Variants in GAREM1 observed in about 807,000 individuals in gnomAD.
GAREM1 encodes the protein GRB2 associated regulator of MAPK1 subtype 1.
GAREM1 carries 26 observed loss-of-function variants against 71.3 expected under a neutral mutation model. That is an observed-to-expected ratio of 0.36 (90% CI 0.27 to 0.51). The LOEUF (loss-of-function observed/expected upper bound fraction) is 0.51. Ranked by LOEUF, GAREM1 falls within the 20% of genes least tolerant of loss-of-function variation. The pLI, the probability that GAREM1 is intolerant of heterozygous loss-of-function variation, is 0.95. For synonymous variants in GAREM1, 440 were observed against 433.2 expected, an observed-to-expected ratio of 1.02 and a Z score of -0.20; for missense variants, 1,026 against 1,103.1, an observed-to-expected ratio of 0.93 and a Z score of 0.99.
intron 2 of GAREM1, among the ~76,000 whole-genome samples, chr18:32,311,154 C>T (rs2047317783): frequency 6.6e-6 from 1 of 152,140 alleles, no homozygotes; most frequent in Non-Finnish European, 1.5e-5. Context: ...TGTGACCCTG[C>T]TACAACATTT....
intron 4 of GAREM1, among the ~76,000 whole-genome samples, chr18:32,285,513 C>T (rs1182862620): frequency 1.3e-5 from 2 of 152,220 alleles, no homozygotes; most frequent in African/African-American, 4.8e-5. Flanking sequence ...GCTTCCAGCT[C>T]GTTGCTCATG....
chr18:32,400,647 T>G (rs555129696), intron 1 of GAREM1, among the ~76,000 whole-genome samples: 1 of 152,302 alleles, frequency 6.6e-6, no homozygotes, highest in South Asian at 2.1e-4. Context: ...CCAGTTAGAA[T>G]GGCGATCATT....
chr18:32,329,328 A>G (rs1436165949), intron 2 of GAREM1, among the ~76,000 whole-genome samples: 1 of 151,868 alleles, frequency 6.6e-6, no homozygotes, highest in Non-Finnish European at 1.5e-5. Flanking sequence ...GTGAGCTATG[A>G]TTGTGCCACT....
In GAREM1 at chr18:32,287,934, G is replaced by C. The variant is rs757167528; in HGVS notation, c.663C>G (p.Thr221=). ...LPFQCKGRFS[T]RSPLELQMQE... ...GCATCTGAAGTTCCAGGGGACTTCG[G>C]GTGCTAAATCTGCCCTTGCACTGGA... Residue 221 remains threonine (T), a synonymous_variant, in exon 4 of 6, where the codon ACC becomes ACG. Coordinates refer to ENST00000269209, the MANE Select transcript of GAREM1 (RefSeq NM_001242409.2). The surrounding 1 kb of genome is among the most constrained non-coding windows in gnomAD (Gnocchi z 5.9). 1 of 1,614,054 alleles carries C rather than the reference G, an allele frequency of 6.2e-7. No individual in the cohort carries two copies.
In GAREM1 at chr18:32,404,743, T is replaced by A. The variant is rs1180298057; in HGVS notation, c.122-11708A>T. Among the ~76,000 whole-genome samples, 4 of 152,200 alleles carry A rather than the reference T, an allele frequency of 2.6e-5. No individual in the cohort carries two copies. In the East Asian group the frequency reaches 7.7e-4, roughly 29 times the overall value. ...TTTTTCTTTTTAAAGAATGTTTTTA[T>A]TCCTCATTAGCCTGGTTTTTTCTCA... is the stretch of plus-strand genomic sequence containing the variant. On this transcript the variant is annotated intron_variant, in intron 1 of 5. Transcript: ENST00000269209.
At position 32,266,895 on chromosome 18, in the gene GAREM1, A is replaced by T. The variant is rs1309333183; in HGVS notation, c.*976T>A. On this transcript the variant is annotated 3_prime_UTR_variant, in exon 6 of 6. Coordinates refer to ENST00000269209, the MANE Select transcript of GAREM1 (RefSeq NM_001242409.2). Reference sequence around the variant, plus strand: ...AGACATCATGGGAGTATTACATGCAAAAACCAGCCCTGCGGTGAGTGGGCT... The same window carrying T: ...AGACATCATGGGAGTATTACATGCATAAACCAGCCCTGCGGTGAGTGGGCT... The T allele has an allele frequency of 6.6e-6, 1 of 152,216 alleles. No homozygotes were observed. The highest frequency in any genetic ancestry group is 2.4e-5 in the African/African-American group (1 of 41,464). 9.4% of individuals were successfully genotyped at this position (152,216 alleles called of 1,614,324 possible).
At chr18:32,334,267 C>T (rs896115222) in intron 2 of GAREM1, among the ~76,000 whole-genome samples, 2 of 152,008 alleles carry the variant, frequency 1.3e-5, no homozygotes, top group African/African-American at 4.8e-5. Context: ...TTCGGATGTG[C>T]GACGAGAAAG....
chr18:32,448,521 A>G (rs115304339), intron 1 of GAREM1, among the ~76,000 whole-genome samples: 2,341 of 152,288 alleles, frequency 0.015, 62 homozygotes, highest in African/African-American at 0.052. Flanking sequence ...CAGTTACAGG[A>G]AAGGGTTTGA....
intron 3 of GAREM1, among the ~76,000 whole-genome samples, chr18:32,300,821 G>A (rs1267528337): frequency 3.4e-5 from 5 of 148,210 alleles, no homozygotes; most frequent in East Asian, 2.0e-4. Flanking sequence ...CAGGAGAATC[G>A]CTTGAACCCG....
In GAREM1 at chr18:32,273,920, T is replaced by TTTG. The variant is rs915370311; in HGVS notation, c.1567-3540_1567-3538dup. On this transcript the variant is annotated intron_variant, in intron 4 of 5. Transcript: ENST00000269209. ...TGAAACTCACTTTAGAGAAAGGTGT[T>TTTG]TTGTTGTTGTTGTTGTTTTAAAGGA... 1.2e-4 allele frequency among the ~76,000 whole-genome samples: 18 copies of TTTG among 152,148 alleles called. No homozygotes were observed. In the South Asian group the frequency reaches 2.5e-3, roughly 21 times the overall value.
intron 1 of GAREM1, chr18:32,413,343 T>C: frequency 1.3e-6 from 1 of 758,624 alleles, no homozygotes; most frequent in Admixed American, 2.7e-5. Flanking sequence ...CACATAAAAC[T>C]TGAAAGAAAC....
At chr18:32,377,322 G>T (rs568306891) in intron 2 of GAREM1, among the ~76,000 whole-genome samples, 3 of 152,080 alleles carry the variant, frequency 2.0e-5, no homozygotes, top group African/African-American at 7.2e-5. Flanking sequence ...TTGAGTCTCC[G>T]CCAGGCATCA....
At chr18:32,378,057 T>TGTGTGTGTGTGCGC (rs1293817110) in intron 2 of GAREM1, among the ~76,000 whole-genome samples, 33 of 127,614 alleles carry the variant, frequency 2.6e-4, no homozygotes, top group African/African-American at 6.0e-4. Context: ...TGTGTGTGTG[T>TGTGTGTGTGTGCGC]GCGCGCGGGC....
At chr18:32,379,745 G>A (rs989664138) in intron 2 of GAREM1, among the ~76,000 whole-genome samples, 3 of 151,654 alleles carry the variant, frequency 2.0e-5, no homozygotes, top group Admixed American at 6.6e-5. Flanking sequence ...GAGAATTAGC[G>A]ATAGAAGAGA....
At chr18:32,394,415 T>C (rs1231891547) in intron 1 of GAREM1, among the ~76,000 whole-genome samples, 3 of 151,786 alleles carry the variant, frequency 2.0e-5, no homozygotes, top group Non-Finnish European at 4.4e-5. Context: ...AAATAAAAAA[T>C]GAAATAAAAT....
chr18:32,299,612 G>C (rs549355033), intron 3 of GAREM1, among the ~76,000 whole-genome samples: 3 of 151,490 alleles, frequency 2.0e-5, no homozygotes, highest in South Asian at 2.1e-4. Flanking sequence ...GGTTGCATAG[G>C]AATCAATAAT....
At position 32,470,713 on chromosome 18, in the gene GAREM1, G is replaced by C. The variant is rs1435185717; in HGVS notation, c.-285C>G. Among the ~76,000 whole-genome samples, 1 of 149,444 alleles carries C rather than the reference G, an allele frequency of 6.7e-6. No homozygotes were observed. Among genetic ancestry groups the C allele is most frequent in the Non-Finnish European group, 1.5e-5 (1 of 66,994 alleles). On this transcript the variant is annotated 5_prime_UTR_variant, in exon 1 of 6. Transcript: ENST00000269209. This position sits in a 1 kb window ranked among gnomAD's most constrained non-coding sequence, Gnocchi z 4.4. Reference sequence around the variant, plus strand: ...CGGCTGCGGGCGGCGGCGGCGGCCCGGGTGGCTGCGGCGGCTCCCGCTCCG... The same window carrying C: ...CGGCTGCGGGCGGCGGCGGCGGCCCCGGTGGCTGCGGCGGCTCCCGCTCCG...
chr18:32,332,977 T>C (rs994674179), intron 2 of GAREM1, among the ~76,000 whole-genome samples: 4 of 149,780 alleles, frequency 2.7e-5, no homozygotes, highest in African/African-American at 9.9e-5. Flanking sequence ...GAGGGTGCCG[T>C]TAGGGGAGAA....
rs1219268505 is a variant in GAREM1, at chr18:32,328,869, C to G, written c.263-18546G>C. Among the ~76,000 whole-genome samples, 3 of 152,058 alleles carry G rather than the reference C, an allele frequency of 2.0e-5. No homozygotes were observed. The East Asian group carries it at 5.8e-4, about 29-fold the overall frequency. ...TACTATGGGAAAAGTTGACAGGTGACAGAATAGAAGATATTTGCAAAGCCT... is the reference window on the plus strand; with the variant it reads ...TACTATGGGAAAAGTTGACAGGTGAGAGAATAGAAGATATTTGCAAAGCCT... On this transcript the variant is annotated intron_variant, in intron 2 of 5. Transcript: ENST00000269209.
Sources: allele counts gnomAD v4.1 joint callset (sites outside exome capture counted in the v4.1 genomes callset), GRCh38; gene constraint gnomAD v4.1.1; non-coding constraint Gnocchi (gnomAD v3.1); transcripts MANE v1.5; gene names NCBI Gene and HGNC (gene_info 2026-07-23, HGNC 2026-07-21).